Variants in RBFOX1 observed in about 807,000 individuals in gnomAD.
RBFOX1 encodes RNA binding fox-1 homolog 1, also known as RNA binding protein fox-1 homolog 1.
In RBFOX1, 8 loss-of-function variants were observed where a neutral mutation model predicts 57.7. The ratio of observed to expected loss-of-function variants is 0.14; its 90% CI spans 0.08 to 0.25. The LOEUF is 0.25. RBFOX1 is among the 10% of genes least tolerant of loss of function. The pLI is 1.00. For missense variants in RBFOX1, 611 were observed against 548.5 expected, an observed-to-expected ratio of 1.11 and a Z score of -1.14; for synonymous variants, 326 against 222.4, an observed-to-expected ratio of 1.47 and a Z score of -4.15.
intron 1 of RBFOX1, among the ~76,000 whole-genome samples, chr16:5,429,975 G>C (rs548657): frequency 0.58 from 87,807 of 152,040 alleles, 25,475 homozygotes; most frequent in East Asian, 0.67. Flanking sequence ...GCTTATCACT[G>C]AAGGAGGCAG....
intron 4 of RBFOX1, among the ~76,000 whole-genome samples, chr16:7,407,047 C>T (rs774455788): frequency 6.6e-6 from 1 of 152,182 alleles, no homozygotes; most frequent in Non-Finnish European, 1.5e-5. Flanking sequence ...ATCTCCCCAT[C>T]TCGAGACCCT....
intron 2 of RBFOX1, among the ~76,000 whole-genome samples, chr16:5,517,566 A>T (rs1027359308): frequency 1.3e-5 from 2 of 152,168 alleles, no homozygotes; most frequent in African/African-American, 2.4e-5. Flanking sequence ...TCCACTGTGA[A>T]TGGTGATTTT....
intron 2 of RBFOX1, among the ~76,000 whole-genome samples, chr16:6,411,517 A>C (rs1006295145): frequency 6.6e-6 from 1 of 152,242 alleles, no homozygotes; most frequent in African/African-American, 2.4e-5. Context: ...CATAAATATT[A>C]AAATGTCCTA....
rs1441603973 is a variant in RBFOX1 at position 7,190,573 on chromosome 16, G to A, written c.27+138475G>A. On this transcript the variant is annotated intron_variant, in intron 4 of 15. Transcript: ENST00000550418. ...GACCTAAGTTAGAAGGGAAAGTAGA[G>A]GAGGTTGCTAAGAGGGTAGGTGTAG... 2.6e-5 allele frequency among the ~76,000 whole-genome samples: 4 copies of A among 152,048 alleles called. No individual in the cohort carries two copies. In the East Asian group the frequency reaches 7.8e-4, roughly 30 times the overall value.
intron 1 of RBFOX1, among the ~76,000 whole-genome samples, chr16:6,245,624 G>C (rs914240891): frequency 1.3e-5 from 2 of 152,176 alleles, no homozygotes; most frequent in African/African-American, 4.8e-5. Flanking sequence ...CTGTGTGCTA[G>C]AGTAGTGGTA....
chr16:7,670,969 C>G (rs935048805), intron 13 of RBFOX1, among the ~76,000 whole-genome samples: 1 of 152,324 alleles, frequency 6.6e-6, no homozygotes, highest in East Asian at 1.9e-4. Flanking sequence ...CTAGTTTACA[C>G]ACACGCACAC....
chr16:5,876,766 C>T (rs1184770117), intron 4 of RBFOX1, among the ~76,000 whole-genome samples: 1 of 152,198 alleles, frequency 6.6e-6, no homozygotes, highest in Non-Finnish European at 1.5e-5. Flanking sequence ...ATACTTCACT[C>T]CAGCTCTCAG....
chr16:6,739,414 T>A (rs542069039), intron 3 of RBFOX1, among the ~76,000 whole-genome samples: 2 of 152,092 alleles, frequency 1.3e-5, no homozygotes, highest in Non-Finnish European at 2.9e-5. Flanking sequence ...TCACCCAATA[T>A]GCAATAGATA....
chr16:6,102,162 C>G lies in RBFOX1; in HGVS notation c.-127+82170C>G, dbSNP rs572115483. On this transcript the variant is annotated intron_variant, in intron 1 of 15. Transcript: ENST00000550418. ...GCCTGAAGGAATTTATTAGGGTAAT[C>G]TTCCCTCTTTCAGCCAAAAAAAAAA... Among the ~76,000 whole-genome samples, 7 of 137,712 alleles carry G rather than the reference C, an allele frequency of 5.1e-5. No homozygotes were observed. In the East Asian group the frequency reaches 8.7e-4, roughly 17 times the overall value. The allele number at this position is 137,712 out of a possible 152,430, so 90.3% of individuals were successfully genotyped here.
Position 5,556,767 on chromosome 16 carries a change from C to T in RBFOX1, c.259-42135C>T, listed in dbSNP as rs73524704. On this transcript the variant is annotated intron_variant, in intron 2 of 2. Coordinates refer to the RBFOX1 transcript ENST00000585867. ...TGTCCCCATGGAAAGAAAGATGCCA[C>T]GAAAACAAAACAAAACACTGTTCTG... Among the ~76,000 whole-genome samples, 777 of 151,480 alleles carry T rather than the reference C, an allele frequency of 5.1e-3. 13 individuals carry two copies. Among genetic ancestry groups the T allele is most frequent in the African/African-American group, 0.018 (734 of 41,266 alleles).
intron 3 of RBFOX1, among the ~76,000 whole-genome samples, chr16:5,675,463 G>A (rs184918348): frequency 2.2e-4 from 34 of 152,298 alleles, no homozygotes; most frequent in East Asian, 2.1e-3. Context: ...CTCAGCTCAC[G>A]TGCCCAGTGG....
chr16:5,899,485 G>C (rs1045943209), intron 4 of RBFOX1, among the ~76,000 whole-genome samples: 3 of 152,172 alleles, frequency 2.0e-5, no homozygotes, highest in Non-Finnish European at 2.9e-5. Context: ...TTGAAATCAA[G>C]CTGAATTCTC....
At chr16:5,840,469 C>T (rs1311537088) in intron 3 of RBFOX1, among the ~76,000 whole-genome samples, 4 of 151,770 alleles carry the variant, frequency 2.6e-5, no homozygotes, top group Admixed American at 2.6e-4. Context: ...TGCTGATAGG[C>T]CTGGCGGTGA....
At chr16:6,754,422 A>C (rs892730228) in intron 3 of RBFOX1, among the ~76,000 whole-genome samples, 3 of 152,230 alleles carry the variant, frequency 2.0e-5, no homozygotes, top group Non-Finnish European at 4.4e-5. Context: ...TTCAAAACCT[A>C]CGGTCGAAGA....
At chr16:6,199,186 G>A (rs993604545) in intron 1 of RBFOX1, among the ~76,000 whole-genome samples, 5 of 151,846 alleles carry the variant, frequency 3.3e-5, no homozygotes, top group Non-Finnish European at 7.4e-5. Flanking sequence ...TCTCTTACTC[G>A]GGAGTAAATA....
chr16:6,224,101 G>A (rs1352407777), intron 1 of RBFOX1, among the ~76,000 whole-genome samples: 8 of 152,068 alleles, frequency 5.3e-5, no homozygotes, highest in African/African-American at 1.4e-4. Flanking sequence ...TTTGGTTACT[G>A]TAGCCTTGTA....
intron 4 of RBFOX1, among the ~76,000 whole-genome samples, chr16:5,897,482 A>G (rs1262928342): frequency 1.3e-5 from 2 of 152,194 alleles, no homozygotes; most frequent in East Asian, 1.9e-4. Context: ...TATGAGTAGG[A>G]TCAATGTTAT....
At chr16:5,573,719 T>C (rs2046360324) in intron 2 of RBFOX1, among the ~76,000 whole-genome samples, 1 of 152,102 alleles carries the variant, frequency 6.6e-6, no homozygotes, top group South Asian at 2.1e-4. Flanking sequence ...TGCAACACTT[T>C]GGGAGGCCGA....
rs771587431 is a variant in RBFOX1 at position 5,828,688 on chromosome 16, C to CA, written c.319-38609dup. 5.1e-3 allele frequency among the ~76,000 whole-genome samples: 747 copies of CA among 146,466 alleles called. 4 individuals are homozygous for CA. Among genetic ancestry groups the CA allele is most frequent in the Middle Eastern group, 0.017 (5 of 288 alleles). On this transcript the variant is annotated intron_variant, in intron 3 of 19. Transcript: ENST00000641259. ...CAGTCCAGCCTGGTGAGCGAGACTC[C>CA]AAAAAAGAAAAGAAAAGAAAAGAAA...
Sources: allele counts gnomAD v4.1 joint callset (sites outside exome capture counted in the v4.1 genomes callset), GRCh38; gene constraint gnomAD v4.1.1; transcripts MANE v1.5; gene names NCBI Gene and HGNC (gene_info 2026-07-23, HGNC 2026-07-21).